The following PDE4D variants were observed in gnomAD, a reference collection of about 807,000 sequenced individuals.
PDE4D encodes the protein 3',5'-cyclic-AMP phosphodiesterase 4D.
A neutral mutation model predicts 87.4 loss-of-function variants in PDE4D; 24 were observed. The observed-to-expected ratio is 0.27, with a 90% CI of 0.20 to 0.39. PDE4D has a LOEUF of 0.39. Ranked by LOEUF, PDE4D falls within the 10% of genes least tolerant of loss-of-function variation. PDE4D has a pLI of 1.00. For missense variants in PDE4D, 714 were observed against 1,041.0 expected (o/e 0.69, Z 4.32); for synonymous variants, 384 against 383.2 (o/e 1.00, Z -0.02).
chr5:60,154,805 T>C (rs1331587390), intron 2 of PDE4D, among the ~76,000 whole-genome samples: 2 of 152,206 alleles, frequency 1.3e-5, no homozygotes, highest in Non-Finnish European at 2.9e-5. Flanking sequence ...TTGCCTGTTT[T>C]TGCACTTTGT....
intron 3 of PDE4D, among the ~76,000 whole-genome samples, chr5:59,981,707 G>A (rs1341389092): frequency 6.6e-6 from 1 of 152,054 alleles, no homozygotes; most frequent in Non-Finnish European, 1.5e-5. Flanking sequence ...AGGCTTCATG[G>A]TAGACTGTGA....
At chr5:59,464,990 C>G (rs772660756) in intron 1 of PDE4D, among the ~76,000 whole-genome samples, 1 of 152,302 alleles carries the variant, frequency 6.6e-6, no homozygotes, top group South Asian at 2.1e-4. Flanking sequence ...GGATTAAGAG[C>G]GGTAGCAGTC....
At chr5:60,077,035 CTG>C (rs1449094300) in intron 2 of PDE4D, among the ~76,000 whole-genome samples, 2 of 152,164 alleles carry the variant, frequency 1.3e-5, no homozygotes, top group African/African-American at 4.8e-5. Flanking sequence ...TGTGGACCCT[CTG>C]TGTGTTTTCA....
intron 1 of PDE4D, among the ~76,000 whole-genome samples, chr5:59,248,682 T>G (rs989432650): frequency 6.6e-6 from 1 of 152,148 alleles, no homozygotes; most frequent in Non-Finnish European, 1.5e-5. Flanking sequence ...TTTCTACTTG[T>G]TTCTATTGAG....
intron 1 of PDE4D, among the ~76,000 whole-genome samples, chr5:59,364,885 C>T (rs759765906): frequency 3.3e-5 from 5 of 151,978 alleles, no homozygotes; most frequent in Admixed American, 6.6e-5. Context: ...TCCTTCCTTC[C>T]CTCCTTTCTT....
intron 1 of PDE4D, among the ~76,000 whole-genome samples, chr5:60,339,148 T>A (rs1758085575): frequency 6.6e-6 from 1 of 152,184 alleles, no homozygotes; most frequent in African/African-American, 2.4e-5. Context: ...GATTCATTTT[T>A]AGCATAAACC....
intron 1 of PDE4D, among the ~76,000 whole-genome samples, chr5:60,251,133 C>T (rs1054603008): frequency 7.2e-5 from 11 of 151,806 alleles, no homozygotes; most frequent in African/African-American, 1.7e-4. Context: ...TGGTGCTTTA[C>T]GTTTTAAGTA....
chr5:60,061,571 GA>G (rs1014919806), intron 2 of PDE4D, among the ~76,000 whole-genome samples: 1 of 151,270 alleles, frequency 6.6e-6, no homozygotes, highest in African/African-American at 2.4e-5. Flanking sequence ...CACAGAATTA[GA>G]AAAAAACTAC....
intron 2 of PDE4D, among the ~76,000 whole-genome samples, chr5:59,200,083 A>G (rs116368006): frequency 1.5e-4 from 22 of 145,122 alleles, no homozygotes; most frequent in African/African-American, 6.1e-4. Context: ...ATGCACACAT[A>G]CATGTATGTA....
At chr5:60,233,399 A>G (rs1049311978) in intron 1 of PDE4D, among the ~76,000 whole-genome samples, 1 of 151,868 alleles carries the variant, frequency 6.6e-6, no homozygotes, top group Non-Finnish European at 1.5e-5. Flanking sequence ...GAACAAAGAC[A>G]TAGTTATAGA....
intron 1 of PDE4D, among the ~76,000 whole-genome samples, chr5:59,374,368 G>C (rs1323867888): frequency 5.3e-5 from 8 of 151,884 alleles, no homozygotes; most frequent in Admixed American, 2.0e-4. Context: ...AAAAAGCAGG[G>C]GTTGCAATCC....
At chr5:59,992,108 C>G (rs577000984) in intron 2 of PDE4D, among the ~76,000 whole-genome samples, 2 of 152,262 alleles carry the variant, frequency 1.3e-5, no homozygotes, top group African/African-American at 4.8e-5. Flanking sequence ...TTCCTGCTCT[C>G]GATCATCAGA....
At chr5:59,286,630 T>C (rs1767005051) in intron 1 of PDE4D, among the ~76,000 whole-genome samples, 1 of 152,154 alleles carries the variant, frequency 6.6e-6, no homozygotes, top group South Asian at 2.1e-4. Context: ...CTTTCAAATA[T>C]TTCAATTATT....
chr5:59,290,585 G>A (rs1223858185), intron 1 of PDE4D, among the ~76,000 whole-genome samples: 1 of 151,772 alleles, frequency 6.6e-6, no homozygotes, highest in Non-Finnish European at 1.5e-5. Context: ...GGGACAAATA[G>A]GATCACATCA....
At chr5:59,155,583 GA>G (rs1780059960) in intron 5 of PDE4D, among the ~76,000 whole-genome samples, 2 of 152,180 alleles carry the variant, frequency 1.3e-5, no homozygotes, top group African/African-American at 4.8e-5. Flanking sequence ...GATCAATAAA[GA>G]GTTGGCTGAA....
chr5:60,094,593 T>G (rs1775473484), intron 2 of PDE4D, among the ~76,000 whole-genome samples: 1 of 145,522 alleles, frequency 6.9e-6, no homozygotes, highest in African/African-American at 2.5e-5. Flanking sequence ...ACATGCTTTT[T>G]TTTTTTTTTT....
chr5:59,611,641 C>A (rs1439563399), intron 1 of PDE4D, among the ~76,000 whole-genome samples: 1 of 152,104 alleles, frequency 6.6e-6, no homozygotes, highest in Admixed American at 6.6e-5. Flanking sequence ...AGTAAATGTT[C>A]CATAAATATT....
chr5:59,652,971 G>A (rs2150246634), intron 1 of PDE4D, among the ~76,000 whole-genome samples: 1 of 151,842 alleles, frequency 6.6e-6, no homozygotes, highest in African/African-American at 2.4e-5. Context: ...TTATCCAACT[G>A]TTTGGTTATG....
At chr5:59,433,238 C>A (rs1158281398) in intron 1 of PDE4D, among the ~76,000 whole-genome samples, 1 of 152,078 alleles carries the variant, frequency 6.6e-6, no homozygotes, top group Non-Finnish European at 1.5e-5. Flanking sequence ...AAGATATAAA[C>A]CTCTATGGTA....
Sources: allele counts gnomAD v4.1 joint callset (sites outside exome capture counted in the v4.1 genomes callset), GRCh38; gene constraint gnomAD v4.1.1; transcripts MANE v1.5; gene names NCBI Gene and HGNC (gene_info 2026-07-23, HGNC 2026-07-21).